The following LRRC4C variants were observed in gnomAD, a reference collection of about 807,000 sequenced individuals.
LRRC4C encodes leucine-rich repeat-containing protein 4C.
LRRC4C carries 5 observed loss-of-function variants against 33.6 expected under a neutral mutation model. That is an observed-to-expected ratio of 0.15 (90% CI 0.08 to 0.31). The LOEUF (loss-of-function observed/expected upper bound fraction) is 0.31. LRRC4C is among the 10% of genes least tolerant of loss of function. The pLI is 1.00. For missense variants in LRRC4C, 560 were observed against 796.7 expected, an observed-to-expected ratio of 0.70 and a Z score of 3.58; for synonymous variants, 329 against 302.0, an observed-to-expected ratio of 1.09 and a Z score of -0.93.
At chr11:41,247,234 C>T (rs1046696838) in intron 1 of LRRC4C, among the ~76,000 whole-genome samples, 26 of 152,194 alleles carry the variant, frequency 1.7e-4, no homozygotes, top group African/African-American at 6.3e-4. Context: ...CTAGAAACCC[C>T]TCTGTTGCTT....
At chr11:40,347,320 C>T (rs1947180563) in intron 3 of LRRC4C, among the ~76,000 whole-genome samples, 1 of 152,166 alleles carries the variant, frequency 6.6e-6, no homozygotes, top group South Asian at 2.1e-4. Flanking sequence ...AATTTCCTCA[C>T]CTTTCTTAGC....
intron 2 of LRRC4C, among the ~76,000 whole-genome samples, chr11:40,921,123 A>T (rs1470150945): frequency 6.6e-6 from 1 of 151,894 alleles, no homozygotes; most frequent in Non-Finnish European, 1.5e-5. Flanking sequence ...AGGTCTCGCT[A>T]TGTTGTCAGG....
At chr11:40,314,513 G>A (rs962423858) in intron 4 of LRRC4C, among the ~76,000 whole-genome samples, 15 of 152,010 alleles carry the variant, frequency 9.9e-5, no homozygotes, top group Admixed American at 2.6e-4. Flanking sequence ...TCTACAAATA[G>A]AACTGCCATG....
intron 2 of LRRC4C, among the ~76,000 whole-genome samples, chr11:40,738,492 A>T (rs1159276317): frequency 6.6e-6 from 1 of 152,152 alleles, no homozygotes. Flanking sequence ...TTCACTTTAT[A>T]GCCAAAGTTT....
chr11:40,198,068 T>A (rs1005921337), intron 5 of LRRC4C, among the ~76,000 whole-genome samples: 2 of 152,112 alleles, frequency 1.3e-5, no homozygotes, highest in Admixed American at 1.3e-4. Flanking sequence ...CCAGCAGATA[T>A]GGCAGCAGTG....
At chr11:40,247,170 T>C (rs1475567903) in intron 4 of LRRC4C, among the ~76,000 whole-genome samples, 2 of 152,204 alleles carry the variant, frequency 1.3e-5, no homozygotes, top group African/African-American at 4.8e-5. Context: ...ATGTCTACTA[T>C]CGGCATCAAC....
intron 1 of LRRC4C, among the ~76,000 whole-genome samples, chr11:41,261,097 T>C (rs1024068755): frequency 2.6e-5 from 4 of 152,084 alleles, no homozygotes; most frequent in African/African-American, 9.7e-5. Context: ...CCCAATGTAA[T>C]AGTATTAAGA....
chr11:41,394,840 C>T (rs1953742622), intron 1 of LRRC4C: 1 of 151,844 alleles, frequency 6.6e-6, no homozygotes. Context: ...AGGAAGGAAA[C>T]ATTCAAATGG....
intron 2 of LRRC4C, among the ~76,000 whole-genome samples, chr11:40,736,510 ATCC>A (rs1446919664): frequency 1.3e-5 from 2 of 152,056 alleles, no homozygotes; most frequent in Non-Finnish European, 2.9e-5. Flanking sequence ...ATTATTTATA[ATCC>A]TTTGGGTATA....
rs865948615 is a variant in LRRC4C at position 41,152,944 on chromosome 11, A to G, written c.-495-219221T>C. Among the ~76,000 whole-genome samples the G allele has an allele frequency of 1.2e-4, 18 of 152,316 alleles. No individual in the cohort carries two copies. The Middle Eastern group carries it at 0.01, about 86-fold the overall frequency. On this transcript the variant is annotated intron_variant, in intron 1 of 6. Transcript: ENST00000528697. ...AGTAAGATTCATCTTATAGTCTTAT[A>G]TGTAGAATTCCTTCCTTACCTTGAA...
chr11:40,715,038 C>G (rs1309738406), intron 2 of LRRC4C, among the ~76,000 whole-genome samples: 1 of 152,112 alleles, frequency 6.6e-6, no homozygotes, highest in African/African-American at 2.4e-5. Context: ...CCAACACACT[C>G]ATAGACATGC....
At chr11:40,910,350 C>T (rs1268627754) in intron 2 of LRRC4C, among the ~76,000 whole-genome samples, 1 of 151,852 alleles carries the variant, frequency 6.6e-6, no homozygotes, top group Non-Finnish European at 1.5e-5. Flanking sequence ...AGACTTCTAT[C>T]AAAAGACACA....
chr11:40,790,781 T>G (rs1430349442), intron 2 of LRRC4C, among the ~76,000 whole-genome samples: 2 of 152,218 alleles, frequency 1.3e-5, no homozygotes, highest in African/African-American at 4.8e-5. Flanking sequence ...TGTGATCTGT[T>G]AATTATAAAT....
Position 40,984,814 on chromosome 11 carries a change from G to A in LRRC4C, c.-495-51091C>T, listed in dbSNP as rs974639794. ...ACTCACTGATCCTGAGGCAGAATAA[G>A]TGGCCATGATTGGTATAAAAAAAAC... On this transcript the variant is annotated intron_variant, in intron 1 of 6. Transcript: ENST00000528697. 2.7e-5 allele frequency among the ~76,000 whole-genome samples: 4 copies of A among 147,402 alleles called. No individual in the cohort carries two copies. The Admixed American group carries it at 2.7e-4, about 10-fold the overall frequency.
chr11:40,969,934 C>T (rs548286384), intron 1 of LRRC4C, among the ~76,000 whole-genome samples: 1 of 152,230 alleles, frequency 6.6e-6, no homozygotes, highest in South Asian at 2.1e-4. Context: ...TGGGTCATTG[C>T]TTTGATCAAT....
chr11:41,388,789 T>C (rs1477820398), intron 1 of LRRC4C, among the ~76,000 whole-genome samples: 1 of 151,922 alleles, frequency 6.6e-6, no homozygotes, highest in Non-Finnish European at 1.5e-5. Context: ...TTCTTACCAG[T>C]TAGTGCCTTG....
At chr11:40,658,986 G>T (rs7947204) in intron 2 of LRRC4C, among the ~76,000 whole-genome samples, 1 of 152,052 alleles carries the variant, frequency 6.6e-6, no homozygotes, top group Non-Finnish European at 1.5e-5. Context: ...ACCCTAATGA[G>T]TTGGCAGGTT....
At chr11:41,241,598 G>A (rs1948253319) in intron 1 of LRRC4C, among the ~76,000 whole-genome samples, 1 of 152,062 alleles carries the variant, frequency 6.6e-6, no homozygotes, top group Non-Finnish European at 1.5e-5. Flanking sequence ...AATATCTCTG[G>A]GTAGCTCTGA....
chr11:41,304,018 G>A (rs368852553), intron 1 of LRRC4C, among the ~76,000 whole-genome samples: 33 of 67,370 alleles, frequency 4.9e-4, no homozygotes, highest in Admixed American at 1.5e-3. Context: ...CCCCCCGCCC[G>A]GCCAGCCGCC....
Sources: gnomAD v4.1 joint callset for allele counts (sites outside exome capture counted in the v4.1 genomes callset) on GRCh38, gnomAD v4.1.1 for gene constraint, MANE v1.5 for transcripts, NCBI Gene and HGNC (gene_info 2026-07-23, HGNC 2026-07-21) for gene names.